ATP7B: variants seen among roughly 807,000 people sequenced by gnomAD.
The protein encoded by ATP7B is copper-transporting ATPase 2.
Under a neutral mutation model 118.9 loss-of-function variants are expected in ATP7B, and 113 were observed. The ratio of observed to expected loss-of-function variants is 0.95; its 90% CI spans 0.82 to 1.11. The LOEUF (loss-of-function observed/expected upper bound fraction) is 1.11. ATP7B is among the 50% of genes most tolerant of loss of function. ATP7B has a pLI of 0.00. For missense variants in ATP7B, 1,867 were observed against 1,871.4 expected, an observed-to-expected ratio of 1.00 and a Z score of 0.04; for synonymous variants, 777 against 727.4, an observed-to-expected ratio of 1.07 and a Z score of -1.10.
chr13:51,946,537 T>G, intron 12 of ATP7B, 59 bp from the exon 13 acceptor site: 1 of 1,583,694 alleles, frequency 6.3e-7, no homozygotes, highest in Non-Finnish European at 8.6e-7. Flanking sequence ...CTCCCAGAAC[T>G]CTAATCACAT....
chr13:51,948,198 T>C (rs752283813), intron 12 of ATP7B, among the ~76,000 whole-genome samples: 5 of 152,160 alleles, frequency 3.3e-5, no homozygotes, highest in South Asian at 2.1e-4. Context: ...CTGAGAATAT[T>C]TGATATACTT....
chr13:51,958,481 T>A lies in ATP7B; in HGVS notation c.2185A>T (p.Met729Leu). 1 of 1,614,174 alleles carries A rather than the reference T, an allele frequency of 6.2e-7. No individual in the cohort carries two copies. The highest frequency in any genetic ancestry group is 8.5e-7 in the Non-Finnish European group (1 of 1,180,026). ...YKSLRHRSAN[M>L]DVLIVLATSI... is the part of the protein sequence containing the mutation. The stretch of plus-strand genomic sequence containing the variant: ...GTGGCCAGGACGATGAGCACGTCCA[T>A]GTTGGCTGACCTGTGTCTCAGAGAT... The change falls in exon 8 of 21, where the codon ATG becomes TTG. Residue 729 changes from methionine to leucine, a missense_variant. By Grantham distance (15) the Met-to-Leu change is conservative. Transcript: ENST00000242839.
chr13:51,973,305 C>T (rs976046899), intron 2 of ATP7B, among the ~76,000 whole-genome samples: 1 of 152,148 alleles, frequency 6.6e-6, no homozygotes. Flanking sequence ...AGCCCAAATC[C>T]AAGGAGGTTC....
intron 8 of ATP7B, chr13:51,958,001 C>G (rs1958467691): frequency 4.2e-6 from 2 of 479,646 alleles, no homozygotes; most frequent in Admixed American, 6.8e-5. Context: ...GTATGGATGT[C>G]TAGACCAACT....
rs1952036108 is a variant in ATP7B at position 51,975,007 on chromosome 13, T to C, written c.213A>G (p.Ser71=). Residue 71 remains serine (S), a synonymous_variant, in exon 2 of 21, where the codon TCA becomes TCG. Coordinates refer to ENST00000242839, the MANE Select transcript of ATP7B (RefSeq NM_000053.4). ...TCCTGTCCTCAATGGACTTCACACA[T>C]GACTGGCAAGTCATGCCCAAGATCC... is the stretch of plus-strand genomic sequence containing the variant. ...TVRILGMTCQ[S]CVKSIEDRIS... is the part of the protein sequence containing the mutation. 6.2e-7 allele frequency: 1 copy of C among 1,614,092 alleles called. No individual in the cohort carries two copies. The highest frequency in any genetic ancestry group is 1.7e-5 in the Admixed American group (1 of 60,022).
At chr13:51,951,093 G>A (rs576001631) in intron 9 of ATP7B, among the ~76,000 whole-genome samples, 5 of 152,150 alleles carry the variant, frequency 3.3e-5, no homozygotes, top group African/African-American at 1.2e-4. Flanking sequence ...CATGAGAATG[G>A]GCTGTAGGGA....
intron 1 of ATP7B, among the ~76,000 whole-genome samples, chr13:51,992,974 T>C (rs1289456054): frequency 9.9e-6 from 1 of 100,754 alleles, no homozygotes; most frequent in Non-Finnish European, 2.1e-5. Context: ...AGCAAGACTC[T>C]GTCTCAAAAA....
At chr13:51,985,923 G>A (rs547468601) in intron 1 of ATP7B, among the ~76,000 whole-genome samples, 26 of 152,286 alleles carry the variant, frequency 1.7e-4, no homozygotes, top group Middle Eastern at 3.4e-3. Flanking sequence ...ACTGGTTAGT[G>A]GGAAATTTCT....
chr13:51,961,302 A>G (rs1222881723), intron 6 of ATP7B, among the ~76,000 whole-genome samples: 1 of 151,760 alleles, frequency 6.6e-6, no homozygotes, highest in African/African-American at 2.4e-5. Flanking sequence ...CCCTGCACAC[A>G]ACAGCAGCCT....
At chr13:52,010,161 T>C (rs1376187023) in intron 1 of ATP7B, among the ~76,000 whole-genome samples, 1 of 152,166 alleles carries the variant, frequency 6.6e-6, no homozygotes, top group Non-Finnish European at 1.5e-5. Flanking sequence ...CAACATTTCT[T>C]CATACTCCTA....
At chr13:51,982,546 C>T (rs1220239660) in intron 1 of ATP7B, among the ~76,000 whole-genome samples, 1 of 152,094 alleles carries the variant, frequency 6.6e-6, no homozygotes, top group African/African-American at 2.4e-5. Flanking sequence ...TGGCATCTGG[C>T]GGGAGTAATA....
chr13:51,972,867 G>A (rs1174495497), intron 2 of ATP7B, among the ~76,000 whole-genome samples: 2 of 152,146 alleles, frequency 1.3e-5, no homozygotes, highest in Non-Finnish European at 2.9e-5. Flanking sequence ...TGAGCCCGGT[G>A]TGGTGGTGCA....
chr13:51,998,776 G>C (rs1953341908), intron 1 of ATP7B, among the ~76,000 whole-genome samples: 1 of 152,230 alleles, frequency 6.6e-6, no homozygotes, highest in Non-Finnish European at 1.5e-5. Flanking sequence ...CCCAAAGGCA[G>C]ATGGGCAGCT....
chr13:51,933,170 C>A lies in ATP7B; in HGVS notation c.*1586G>T, dbSNP rs1007747915. 6.6e-6 allele frequency: 1 copy of A among 152,120 alleles called. No individual in the cohort carries two copies. Among genetic ancestry groups the A allele is most frequent in the Admixed American group, 6.5e-5 (1 of 15,276 alleles). 9.4% of individuals were successfully genotyped at this position (152,120 alleles called of 1,614,324 possible). On this transcript the variant is annotated 3_prime_UTR_variant, in exon 21 of 21. Coordinates refer to ENST00000242839, the MANE Select transcript of ATP7B (RefSeq NM_000053.4). ...ATTTGTTCTTCCAGGAGGCAAGGAC[C>A]TTTTCCTCGTTTATTCTTATCAGGA...
At chr13:51,952,565 C>T (rs145593313) in intron 9 of ATP7B, among the ~76,000 whole-genome samples, 1 of 152,244 alleles carries the variant, frequency 6.6e-6, no homozygotes, top group African/African-American at 2.4e-5. Context: ...GTCTTATTAC[C>T]CCCATTTCAG....
intron 13 of ATP7B, among the ~76,000 whole-genome samples, chr13:51,945,562 C>A (rs921186182): frequency 1.3e-5 from 2 of 152,182 alleles, no homozygotes; most frequent in African/African-American, 4.8e-5. Flanking sequence ...GTCCCTGAGT[C>A]GAGCACCCCA....
At chr13:51,995,925 A>C (rs1953184102) in intron 1 of ATP7B, among the ~76,000 whole-genome samples, 1 of 152,086 alleles carries the variant, frequency 6.6e-6, no homozygotes, top group South Asian at 2.1e-4. Flanking sequence ...ACATGTAATC[A>C]CTTGCCAGAG....
At chr13:51,983,788 A>G (rs1226436712) in intron 1 of ATP7B, among the ~76,000 whole-genome samples, 2 of 152,196 alleles carry the variant, frequency 1.3e-5, no homozygotes, top group Non-Finnish European at 2.9e-5. Flanking sequence ...GTGGACCTCC[A>G]GCAAACTCTA....
At chr13:51,969,434 CT>C (rs112360610) in intron 3 of ATP7B, among the ~76,000 whole-genome samples, 442 of 144,524 alleles carry the variant, frequency 3.1e-3, no homozygotes, top group African/African-American at 8.9e-3. Flanking sequence ...GAAGGATATC[CT>C]TTTTTTTTTT....
Sources: allele counts gnomAD v4.1 joint callset (sites outside exome capture counted in the v4.1 genomes callset), GRCh38; gene constraint gnomAD v4.1.1; transcripts MANE v1.5; gene names NCBI Gene and HGNC (gene_info 2026-07-23, HGNC 2026-07-21).